The following UNC5C variants were observed in gnomAD, a reference collection of about 807,000 sequenced individuals.
UNC5C encodes the protein unc-5 netrin receptor C, also known as netrin receptor UNC5C.
UNC5C carries 47 observed loss-of-function variants against 99.8 expected under a neutral mutation model. That is an observed-to-expected ratio of 0.47 (90% CI 0.37 to 0.60). The LOEUF (loss-of-function observed/expected upper bound fraction) is 0.60, where lower values mean the gene tolerates loss of function less well. Ranked by LOEUF, UNC5C falls within the 20% of genes least tolerant of loss-of-function variation. The probability of loss-of-function intolerance (pLI) is 0.00; values close to 1 mark genes in which losing one functional copy is unlikely to be tolerated. For missense variants in UNC5C, 1,062 were observed against 1,165.9 expected, an observed-to-expected ratio of 0.91 and a Z score of 1.30; for synonymous variants, 487 against 452.2, an observed-to-expected ratio of 1.08 and a Z score of -0.98.
intron 1 of UNC5C, among the ~76,000 whole-genome samples, chr4:95,371,245 A>G (rs17023642): frequency 0.053 from 8,053 of 152,154 alleles, 845 homozygotes; most frequent in East Asian, 0.51. Context: ...TCCATAGGTT[A>G]TATCTTGACA....
intron 3 of UNC5C, among the ~76,000 whole-genome samples, 194 bp downstream of exon 3, chr4:95,301,412 G>C (rs554678397): frequency 1.3e-5 from 2 of 152,150 alleles, no homozygotes; most frequent in Middle Eastern, 6.8e-3. Context: ...AGCCAGGATG[G>C]TCTCGATCTC....
At chr4:95,493,805 G>A (rs1721564530) in intron 1 of UNC5C, among the ~76,000 whole-genome samples, 1 of 151,328 alleles carries the variant, frequency 6.6e-6, no homozygotes, top group Admixed American at 6.6e-5. Context: ...TCAAAAGACA[G>A]CGGACTGATC....
chr4:95,527,717 G>A (rs1442242004), intron 1 of UNC5C, among the ~76,000 whole-genome samples: 1 of 152,008 alleles, frequency 6.6e-6, no homozygotes, highest in African/African-American at 2.4e-5. Flanking sequence ...TAGGAATTAT[G>A]CAAACTTTAT....
chr4:95,298,989 G>A (rs572573768), intron 3 of UNC5C, among the ~76,000 whole-genome samples: 7 of 152,222 alleles, frequency 4.6e-5, no homozygotes, highest in South Asian at 2.1e-4. Context: ...TTACCCTTCC[G>A]AGCTAGAAAC....
chr4:95,500,490 T>A (rs1721750313), intron 1 of UNC5C, among the ~76,000 whole-genome samples: 1 of 152,074 alleles, frequency 6.6e-6, no homozygotes, highest in Non-Finnish European at 1.5e-5. Context: ...ATTAATAAGT[T>A]TTTTCCTAAC....
chr4:95,373,999 A>G (rs891007033), intron 1 of UNC5C, among the ~76,000 whole-genome samples: 6 of 152,152 alleles, frequency 3.9e-5, no homozygotes, highest in African/African-American at 7.2e-5. Context: ...ATGGGTCTGA[A>G]TTAGCCCTTA....
chr4:95,316,991 A>G (rs967014382), intron 2 of UNC5C, among the ~76,000 whole-genome samples: 42 of 151,046 alleles, frequency 2.8e-4, no homozygotes, highest in Admixed American at 2.6e-3. Flanking sequence ...AAAAAAGAAC[A>G]CATATGCCAA....
At chr4:95,248,462 G>A (rs191272647) in intron 5 of UNC5C, 91 of 443,286 alleles carry the variant, frequency 2.1e-4, no homozygotes, top group African/African-American at 1.5e-3. Flanking sequence ...TATCTGGATC[G>A]TAACTTCCCC....
rs1157270625 is a variant in UNC5C at position 95,168,863 on chromosome 4, TA to T, written c.*370del. On this transcript the variant is annotated 3_prime_UTR_variant, in exon 16 of 16. Coordinates refer to ENST00000453304, the MANE Select transcript of UNC5C (RefSeq NM_003728.4). ...GTCTGCATCCCTGTCCAATTTGATG[TA>T]AACAACATTTGTAGAAATTGGGTTT... 5.7e-6 allele frequency: 1 copy of T among 176,782 alleles called. No homozygotes were observed. The highest frequency in any genetic ancestry group is 2.4e-5 in the African/African-American group (1 of 42,492). 11.0% of individuals were successfully genotyped at this position (176,782 alleles called of 1,614,324 possible).
intron 1 of UNC5C, among the ~76,000 whole-genome samples, chr4:95,348,391 A>G (rs991870276): frequency 6.6e-6 from 1 of 151,710 alleles, no homozygotes; most frequent in African/African-American, 2.4e-5. Context: ...CTACCATGCA[A>G]TCAAGCAATC....
intron 14 of UNC5C, among the ~76,000 whole-genome samples, chr4:95,173,822 G>A: frequency 6.6e-6 from 1 of 152,280 alleles, no homozygotes; most frequent in East Asian, 1.9e-4. Flanking sequence ...AATGGTAGCA[G>A]CTCCTCCTTG....
intron 1 of UNC5C, among the ~76,000 whole-genome samples, chr4:95,393,248 A>C (rs530919663): frequency 6.6e-6 from 1 of 152,308 alleles, no homozygotes; most frequent in African/African-American, 2.4e-5. Flanking sequence ...CTCCTCCCTA[A>C]GATATTAGGA....
intron 3 of UNC5C, among the ~76,000 whole-genome samples, chr4:95,292,198 C>G (rs1445107042): frequency 8.3e-6 from 1 of 120,818 alleles, no homozygotes; most frequent in Non-Finnish European, 1.8e-5. Context: ...TATATATACA[C>G]ATATATATAC....
At chr4:95,408,275 T>C (rs962601120) in intron 1 of UNC5C, among the ~76,000 whole-genome samples, 3 of 152,176 alleles carry the variant, frequency 2.0e-5, no homozygotes, top group African/African-American at 7.2e-5. Context: ...TGGCTGGAAG[T>C]ATTTTTGAGA....
intron 1 of UNC5C, among the ~76,000 whole-genome samples, chr4:95,336,219 T>G (rs1743331934): frequency 6.6e-6 from 1 of 151,970 alleles, no homozygotes; most frequent in Non-Finnish European, 1.5e-5. Context: ...GAGATACATT[T>G]TAAACCTGGA....
chr4:95,239,117 T>A (rs1277237732), intron 7 of UNC5C, among the ~76,000 whole-genome samples: 1 of 152,214 alleles, frequency 6.6e-6, no homozygotes, highest in Non-Finnish European at 1.5e-5. Flanking sequence ...TATTGTAAGC[T>A]TATTGACAGG....
chr4:95,344,800 C>A (rs980336491), intron 1 of UNC5C, among the ~76,000 whole-genome samples: 3 of 151,926 alleles, frequency 2.0e-5, no homozygotes, highest in Non-Finnish European at 4.4e-5. Flanking sequence ...GACAAGATAT[C>A]ATTTACAAGC....
chr4:95,387,840 A>G (rs570325298), intron 1 of UNC5C, among the ~76,000 whole-genome samples: 3 of 152,314 alleles, frequency 2.0e-5, no homozygotes, highest in African/African-American at 7.2e-5. Flanking sequence ...TTCAGTGGAA[A>G]CTGTCTAAAT....
At chr4:95,476,269 T>C (rs2149476137) in intron 1 of UNC5C, among the ~76,000 whole-genome samples, 1 of 152,198 alleles carries the variant, frequency 6.6e-6, no homozygotes, top group Middle Eastern at 3.4e-3. Context: ...AGATCTCTGA[T>C]ACATGGATTA....
Sources: allele counts gnomAD v4.1 joint callset (sites outside exome capture counted in the v4.1 genomes callset), GRCh38; gene constraint gnomAD v4.1.1; transcripts MANE v1.5; gene names NCBI Gene and HGNC (gene_info 2026-07-23, HGNC 2026-07-21).